The following OPCML variants were observed in gnomAD, a reference collection of about 807,000 sequenced individuals.
OPCML encodes opioid binding protein/cell adhesion molecule like.
OPCML carries 13 observed loss-of-function variants against 37.8 expected under a neutral mutation model. The observed-to-expected ratio is 0.34, with a 90% CI of 0.22 to 0.55. OPCML has a LOEUF of 0.55. Among genes scored for constraint, OPCML ranks in the 20% least tolerant of loss-of-function variants. The pLI is 0.91. For synonymous variants in OPCML, 176 were observed against 168.8 expected, an observed-to-expected ratio of 1.04 and a Z score of -0.33; for missense variants, 341 against 435.6, an observed-to-expected ratio of 0.78 and a Z score of 1.93.
chr11:133,032,526 T>C (rs57853212), intron 1 of OPCML, among the ~76,000 whole-genome samples: 15,832 of 152,262 alleles, frequency 0.1, 1,308 homozygotes, highest in East Asian at 0.3. Flanking sequence ...TGGACATTGA[T>C]GCCTCAAATG....
chr11:133,321,335 T>C (rs1468108559), intron 1 of OPCML, among the ~76,000 whole-genome samples: 1 of 152,116 alleles, frequency 6.6e-6, no homozygotes, highest in Non-Finnish European at 1.5e-5. Context: ...GCTTCAAAGG[T>C]TTCATTTCCA....
At chr11:133,434,015 G>A (rs1277463738) in intron 1 of OPCML, among the ~76,000 whole-genome samples, 18 of 152,024 alleles carry the variant, frequency 1.2e-4, no homozygotes, top group Admixed American at 1.2e-3. Flanking sequence ...AGATCACTAT[G>A]CATTTTAAAA....
At chr11:133,007,712 G>A (rs7935073) in intron 1 of OPCML, 9 of 985,440 alleles carry the variant, frequency 9.1e-6, no homozygotes, top group African/African-American at 1.7e-5. Flanking sequence ...AAAAAGTTCA[G>A]TGTCTGATGG....
At chr11:133,373,454 C>CA (rs1565599717) in intron 1 of OPCML, among the ~76,000 whole-genome samples, 36 of 90,770 alleles carry the variant, frequency 4.0e-4, no homozygotes, top group African/African-American at 1.3e-3. Context: ...TATATACACA[C>CA]ACACACACAA....
chr11:133,073,434 C>T (rs1274346367), intron 1 of OPCML, among the ~76,000 whole-genome samples: 7 of 152,230 alleles, frequency 4.6e-5, no homozygotes, highest in Non-Finnish European at 1.5e-5. Flanking sequence ...AAAGGGCTCT[C>T]CTAGCAGGAC....
intron 3 of OPCML, among the ~76,000 whole-genome samples, chr11:132,617,436 G>A (rs954094868): frequency 6.6e-6 from 1 of 152,196 alleles, no homozygotes; most frequent in African/African-American, 2.4e-5. Context: ...AAGTCAACAT[G>A]TGCAGAATGG....
At position 133,140,224 on chromosome 11, in the gene OPCML, C is replaced by G. The variant is rs543360712; in HGVS notation, c.62-197214G>C. Reference sequence around the variant, plus strand: ...AATAATAATAATAATAATAATAATACTGATAGGCTGGACGCGGTGGCTTAC... The same window carrying G: ...AATAATAATAATAATAATAATAATAGTGATAGGCTGGACGCGGTGGCTTAC... On this transcript the variant is annotated intron_variant, in intron 1 of 7. Transcript: ENST00000524381. 1.6e-4 allele frequency among the ~76,000 whole-genome samples: 11 copies of G among 67,354 alleles called. No homozygotes were observed. In the South Asian group the frequency reaches 2.1e-3, roughly 13 times the overall value. The allele number at this position is 67,354 out of a possible 152,430, so 44.2% of individuals were successfully genotyped here.
At chr11:132,822,224 GCCCT>G (rs1251536771) in intron 2 of OPCML, among the ~76,000 whole-genome samples, 1 of 151,248 alleles carries the variant, frequency 6.6e-6, no homozygotes, top group Non-Finnish European at 1.5e-5. Flanking sequence ...CTGTTTGAAG[GCCCT>G]CCATGATCGT....
chr11:132,892,672 C>T (rs1366501666), intron 2 of OPCML, among the ~76,000 whole-genome samples: 1 of 152,160 alleles, frequency 6.6e-6, no homozygotes, highest in African/African-American at 2.4e-5. Flanking sequence ...GAGGCTGAGG[C>T]AAGAGAATTG....
At chr11:132,444,241 C>T (rs1235427734) in intron 4 of OPCML, among the ~76,000 whole-genome samples, 1 of 152,200 alleles carries the variant, frequency 6.6e-6, no homozygotes, top group Non-Finnish European at 1.5e-5. Flanking sequence ...TGGTCACCCG[C>T]CTCCCATGGG....
chr11:132,755,528 T>C (rs1946008738), intron 2 of OPCML, among the ~76,000 whole-genome samples: 2 of 152,098 alleles, frequency 1.3e-5, no homozygotes, highest in Non-Finnish European at 2.9e-5. Context: ...TTTAAAAGAG[T>C]AGTTGCAGGC....
intron 1 of OPCML, among the ~76,000 whole-genome samples, chr11:133,001,281 C>A (rs1946996912): frequency 6.6e-6 from 1 of 152,166 alleles, no homozygotes; most frequent in African/African-American, 2.4e-5. Flanking sequence ...TGCATAGGTA[C>A]ACACATTTAC....
intron 1 of OPCML, among the ~76,000 whole-genome samples, chr11:133,379,005 C>A (rs981683393): frequency 6.6e-6 from 1 of 152,148 alleles, no homozygotes; most frequent in South Asian, 2.1e-4. Context: ...AGTTCTCCCA[C>A]CTGAGCCTCA....
chr11:132,633,959 C>T (rs958693758), intron 3 of OPCML, among the ~76,000 whole-genome samples: 7 of 152,170 alleles, frequency 4.6e-5, no homozygotes, highest in African/African-American at 1.7e-4. Context: ...CAGGTTCTTC[C>T]TGTCTTTCTT....
chr11:132,475,644 C>T (rs969076562), intron 4 of OPCML, among the ~76,000 whole-genome samples: 4 of 152,090 alleles, frequency 2.6e-5, no homozygotes, highest in Admixed American at 6.5e-5. Context: ...CAAAGAAAAC[C>T]AGGCCTGCAT....
At chr11:132,596,056 C>T (rs991298176) in intron 3 of OPCML, among the ~76,000 whole-genome samples, 4 of 152,152 alleles carry the variant, frequency 2.6e-5, no homozygotes, top group African/African-American at 9.7e-5. Flanking sequence ...CACCACTTGG[C>T]TGTGTGACAG....
intron 3 of OPCML, among the ~76,000 whole-genome samples, chr11:132,595,656 T>C (rs957663211): frequency 4.6e-5 from 7 of 152,212 alleles, no homozygotes; most frequent in Admixed American, 3.9e-4. Flanking sequence ...AGTTAGGACC[T>C]GTGCATCCAG....
At chr11:133,261,685 C>T (rs1941500266) in intron 1 of OPCML, among the ~76,000 whole-genome samples, 1 of 152,210 alleles carries the variant, frequency 6.6e-6, no homozygotes, top group Admixed American at 6.5e-5. Context: ...ATAGTACATG[C>T]ACAGTAACAC....
chr11:133,351,898 A>AATTTT (rs1001412586), intron 1 of OPCML, among the ~76,000 whole-genome samples: 2 of 152,088 alleles, frequency 1.3e-5, no homozygotes, highest in Non-Finnish European at 2.9e-5. Flanking sequence ...ATTGGGCCTA[A>AATTTT]AGCCAGCAAG....
Sources: allele counts gnomAD v4.1 joint callset (sites outside exome capture counted in the v4.1 genomes callset), GRCh38; gene constraint gnomAD v4.1.1; transcripts MANE v1.5; gene names NCBI Gene and HGNC (gene_info 2026-07-23, HGNC 2026-07-21).